Variants in FIGNL2 observed in about 807,000 individuals in gnomAD.
The protein encoded by FIGNL2 is fidgetin like 2, also known as fidgetin-like protein 2.
For synonymous variants in FIGNL2, 565 were observed against 484.0 expected, an observed-to-expected ratio of 1.17 and a Z score of -2.20; for missense variants, 1,060 against 950.2, an observed-to-expected ratio of 1.12 and a Z score of -1.52.
chr12:51,847,769 G>A (rs2139006879), intron 1 of FIGNL2: 3 of 985,386 alleles, frequency 3.0e-6, no homozygotes, highest in Non-Finnish European at 2.4e-6. Context: ...CAGCGGCGGG[G>A]GGGTTGCTAG....
At chr12:51,836,849 G>T (rs11169923) in intron 1 of FIGNL2, among the ~76,000 whole-genome samples, 2 of 151,962 alleles carry the variant, frequency 1.3e-5, no homozygotes, top group Non-Finnish European at 2.9e-5. Flanking sequence ...GGTCTGAGCA[G>T]GGTGGACACC....
intron 1 of FIGNL2, among the ~76,000 whole-genome samples, chr12:51,830,741 T>TCA (rs1265252741): frequency 1.3e-5 from 2 of 152,024 alleles, no homozygotes. Context: ...TTCGCCCGCC[T>TCA]TGGCCTCCTA....
intron 1 of FIGNL2, chr12:51,826,054 C>T (rs2138979353): frequency 6.6e-6 from 1 of 152,306 alleles, no homozygotes. Context: ...GCTCCCTTAC[C>T]TCTGGCCCTC....
rs1398978894 is a variant in FIGNL2 at position 51,821,972 on chromosome 12, C to T, written c.442G>A (p.Ala148Thr). The part of the protein sequence containing the change: ...NLPEPLYAGN[A>T]CGGPSAAPEY... ...GGCGCCGCCGATGGGCCCCCGCACG[C>T]ATTGCCGGCGTAGAGGGGTTCAGGG... The change falls in exon 2 of 2, where the codon GCG becomes ACG. Residue 148 changes from alanine to threonine, a missense_variant. Coordinates refer to ENST00000618634, the MANE Select transcript of FIGNL2 (RefSeq NM_001384995.1). 8.3e-6 allele frequency: 13 copies of T among 1,561,178 alleles called. No individual in the cohort carries two copies. Among genetic ancestry groups the T allele is most frequent in the Non-Finnish European group, 1.0e-5 (12 of 1,154,512 alleles).
Position 51,820,406 on chromosome 12 carries a change from G to A in FIGNL2, c.*46C>T, listed in dbSNP as rs1939145201. On this transcript the variant is annotated 3_prime_UTR_variant, in exon 2 of 2. Coordinates refer to ENST00000618634, the MANE Select transcript of FIGNL2 (RefSeq NM_001384995.1). ...GTGACATCCCTCCCACGCGGAGGCG[G>A]CGGGGACGGAGGGACTGCGGCTCCC... The A allele has an allele frequency of 1.3e-6, 2 of 1,549,276 alleles. No individual in the cohort carries two copies. The highest frequency in any genetic ancestry group is 1.7e-6 in the Non-Finnish European group (2 of 1,154,892).
chr12:51,821,073 C>T lies in FIGNL2; in HGVS notation c.1341G>A (p.Thr447=). 2 of 1,285,754 alleles carry T rather than the reference C, an allele frequency of 1.6e-6. No individual in the cohort carries two copies. Among genetic ancestry groups the T allele is most frequent in the Non-Finnish European group, 2.0e-6 (2 of 1,020,846 alleles). The allele number at this position is 1,285,754 out of a possible 1,614,324, so 79.6% of individuals were successfully genotyped here. A position where few individuals can be genotyped will look rare whatever the true frequency, so the allele number is the denominator to read the frequency against. ...GGCGCAACAGCGTGGCGCCCAGCTG[C>T]GTGGCGAGGCAGCGGCCCAGCAGCG... The part of the protein sequence containing the change: ...GKALLGRCLA[T]QLGATLLRLR... Residue 447 remains threonine, a synonymous_variant, in exon 2 of 2, where the codon ACG becomes ACA. Coordinates refer to ENST00000618634, the MANE Select transcript of FIGNL2 (RefSeq NM_001384995.1).
At position 51,840,717 on chromosome 12, in the gene FIGNL2, A is replaced by G. The variant is rs573362365; in HGVS notation, c.-12+7823T>C. ...ACCATTGTACTCCAGCCTGGGCAAC[A>G]GAGCAAAACTCCATCTCAAACAAAA... On this transcript the variant is annotated intron_variant, in intron 1 of 1. Transcript: ENST00000618634. 1.1e-3 allele frequency among the ~76,000 whole-genome samples: 172 copies of G among 152,358 alleles called. 1 individual carries two copies. Among genetic ancestry groups the G allele is most frequent in the African/African-American group, 3.7e-3 (154 of 41,592 alleles).
chr12:51,845,966 A>G (rs1241295276), intron 1 of FIGNL2, among the ~76,000 whole-genome samples: 1 of 152,022 alleles, frequency 6.6e-6, no homozygotes, highest in African/African-American at 2.4e-5. Context: ...GAGGAGAAGG[A>G]GGCAAATAAG....
Position 51,821,121 on chromosome 12 carries a change from A to G in FIGNL2, c.1293T>C (p.Phe431=), listed in dbSNP as rs1326064364. Residue 431 remains phenylalanine, a synonymous_variant, in exon 2 of 2, where the codon TTT becomes TTC. Transcript: ENST00000618634. ...GCGCTTTGCCCGCGCCCCGCGGCCC[A>G]AAGAGCAGGACGGTCCGCGGCGGGC... is the stretch of plus-strand genomic sequence containing the variant. The part of the protein sequence containing the change: ...SLRPPRTVLL[F]GPRGAGKALL... 7.8e-6 allele frequency: 11 copies of G among 1,405,326 alleles called. No individual in the cohort carries two copies. Among genetic ancestry groups the G allele is most frequent in the East Asian group, 3.1e-5 (1 of 32,698 alleles). 87.1% of individuals were successfully genotyped at this position (1,405,326 alleles called of 1,614,324 possible). A position where few individuals can be genotyped will look rare whatever the true frequency, so the allele number is the denominator to read the frequency against.
At position 51,820,678 on chromosome 12, in the gene FIGNL2, C is replaced by T. The variant is rs1225171853; in HGVS notation, c.1736G>A (p.Ser579Asn). 4.0e-6 allele frequency: 6 copies of T among 1,513,012 alleles called. No individual in the cohort carries two copies. The highest frequency in any genetic ancestry group is 2.6e-6 in the Non-Finnish European group (3 of 1,138,256). The allele number at this position is 1,513,012 out of a possible 1,614,324, so 93.7% of individuals were successfully genotyped here. ...CACCAGCGCCGCCAGTTCCCGCTCA[C>T]TGAGCGCGCAGCCCTGCTGGGCCAG... ...RALAQQGCAL[S>N]ERELAALVQG... The change falls in exon 2 of 2, where the codon AGT (serine) becomes AAT (asparagine). Residue 579 changes from serine to asparagine, a missense_variant. By Grantham distance (46) the Ser-to-Asn change is conservative. Transcript: ENST00000618634.
chr12:51,823,135 G>A (rs918906080), intron 1 of FIGNL2, among the ~76,000 whole-genome samples: 1 of 152,226 alleles, frequency 6.6e-6, no homozygotes, highest in Non-Finnish European at 1.5e-5. Flanking sequence ...CAGAGCACCT[G>A]GATTCCAGAC....
At position 51,833,296 on chromosome 12, in the gene FIGNL2, C is replaced by G. The variant is rs548341690; in HGVS notation, c.-11-10872G>C. Among the ~76,000 whole-genome samples, 13 of 152,254 alleles carry G rather than the reference C, an allele frequency of 8.5e-5. No individual in the cohort carries two copies. In the South Asian group the frequency reaches 2.5e-3, roughly 29 times the overall value. ...CTTGAGCTCCTGGGCTCAAGCTAGC[C>G]TCCTTCCTTGGCCTCCAAAGGGCTG... On this transcript the variant is annotated intron_variant, in intron 1 of 1. Transcript: ENST00000618634.
At chr12:51,829,459 A>G (rs1939410202) in intron 1 of FIGNL2, among the ~76,000 whole-genome samples, 1 of 152,034 alleles carries the variant, frequency 6.6e-6, no homozygotes, top group South Asian at 2.1e-4. Flanking sequence ...CACCTACCAT[A>G]CAGGAACCTC....
intron 1 of FIGNL2, among the ~76,000 whole-genome samples, chr12:51,831,561 C>T (rs1352822266): frequency 1.3e-5 from 2 of 152,226 alleles, no homozygotes; most frequent in African/African-American, 4.8e-5. Context: ...GGATACAAGG[C>T]AGGGAGCACA....
At chr12:51,842,765 A>G (rs564768093) in intron 1 of FIGNL2, among the ~76,000 whole-genome samples, 72 of 152,242 alleles carry the variant, frequency 4.7e-4, no homozygotes, top group Admixed American at 3.9e-3. Context: ...TACCCTCGCC[A>G]TAGCCCAGAG....
chr12:51,842,592 G>A (rs533300259), intron 1 of FIGNL2, among the ~76,000 whole-genome samples: 6 of 152,160 alleles, frequency 3.9e-5, no homozygotes, highest in Non-Finnish European at 8.8e-5. Context: ...GCACTCGGCT[G>A]CAGGTGGACC....
In FIGNL2 at chr12:51,821,881, G is replaced by A. The variant is rs531666682; in HGVS notation, c.533C>T (p.Ala178Val). Residue 178 changes from alanine to valine, a missense_variant, in exon 2 of 2, where the codon GCG (alanine) becomes GTG (valine). Physicochemically the swap from Ala to Val is moderately conservative, Grantham distance 64. Coordinates refer to ENST00000618634, the MANE Select transcript of FIGNL2 (RefSeq NM_001384995.1). ...APGYCAQTGA[A>V]LPPPPPAALL... ...CGCGGCCGGGGGCGGCGGGGGCAGC[G>A]CGGCGCCCGTCTGCGCGCAGTAACC... The A allele has an allele frequency of 8.9e-6, 12 of 1,347,720 alleles. No homozygotes were observed. Among genetic ancestry groups the A allele is most frequent in the East Asian group, 3.1e-5 (1 of 31,968 alleles). The allele number at this position is 1,347,720 out of a possible 1,614,324, so 83.5% of individuals were successfully genotyped here.
chr12:51,844,793 C>G, intron 1 of FIGNL2: 1 of 985,398 alleles, frequency 1.0e-6, no homozygotes, highest in Non-Finnish European at 1.2e-6. Flanking sequence ...GATGACCAGC[C>G]CAGACCCTGA....
Position 51,820,650 on chromosome 12 carries a change from C to T in FIGNL2, c.1764G>A (p.Gln588=). The change falls in exon 2 of 2, where the codon CAG becomes CAA. Residue 588 remains glutamine, a synonymous_variant. Transcript: ENST00000618634. ...CGCCCCCAGAGAAGCCCTGCGTGCC[C>T]TGCACCAGCGCCGCCAGTTCCCGCT... is the stretch of plus-strand genomic sequence containing the variant. ...LSERELAALV[Q]GTQGFSGGEL... is the part of the protein sequence containing the mutation. 6.6e-7 allele frequency: 1 copy of T among 1,519,088 alleles called. No individual in the cohort carries two copies. Among genetic ancestry groups the T allele is most frequent in the Non-Finnish European group, 8.8e-7 (1 of 1,140,686 alleles). The allele number at this position is 1,519,088 out of a possible 1,614,324, so 94.1% of individuals were successfully genotyped here. A position where few individuals can be genotyped will look rare whatever the true frequency, so the allele number is the denominator to read the frequency against.
Sources: allele counts gnomAD v4.1 joint callset (sites outside exome capture counted in the v4.1 genomes callset), GRCh38; gene constraint gnomAD v4.1.1; transcripts MANE v1.5; gene names NCBI Gene and HGNC (gene_info 2026-07-23, HGNC 2026-07-21).